The following ADAM12 variants were observed in gnomAD, a reference collection of about 807,000 sequenced individuals.
The protein encoded by ADAM12 is ADAM metallopeptidase domain 12.
ADAM12 carries 70 observed loss-of-function variants against 106.4 expected under a neutral mutation model. That is an observed-to-expected ratio of 0.66 (90% CI 0.54 to 0.80). The LOEUF is 0.80. Among genes scored for constraint, ADAM12 ranks in the 30% least tolerant of loss-of-function variants. The pLI is 0.00. For missense variants in ADAM12, 1,010 were observed against 1,171.9 expected, an observed-to-expected ratio of 0.86 and a Z score of 2.02; for synonymous variants, 420 against 433.5, an observed-to-expected ratio of 0.97 and a Z score of 0.39.
At chr10:126,251,497 G>A (rs1159180655) in intron 3 of ADAM12, among the ~76,000 whole-genome samples, 14 of 54,182 alleles carry the variant, frequency 2.6e-4, no homozygotes, top group Non-Finnish European at 5.4e-4. Context: ...GAATCGATGC[G>A]ATGGATGGGA....
At chr10:126,081,038 C>T (rs532324289) in intron 11 of ADAM12, among the ~76,000 whole-genome samples, 1 of 152,246 alleles carries the variant, frequency 6.6e-6, no homozygotes, top group East Asian at 1.9e-4. Context: ...TCGGAGACAA[C>T]TGCTTTTCTT....
chr10:126,283,567 C>G (rs1172186003), intron 2 of ADAM12, among the ~76,000 whole-genome samples: 2 of 152,242 alleles, frequency 1.3e-5, no homozygotes, highest in East Asian at 3.9e-4. Flanking sequence ...AGACAGAGCA[C>G]CTTTGCTTAT....
rs746730692 is a variant in ADAM12 at position 126,155,227 on chromosome 10, C to T, written c.339G>A (p.Thr113=). 5.0e-6 allele frequency: 8 copies of T among 1,613,692 alleles called. No homozygotes were observed. The highest frequency in any genetic ancestry group is 1.3e-5 in the African/African-American group (1 of 74,990). Residue 113 remains threonine, a splice_region_variant and synonymous_variant, in exon 4 of 23, where the codon ACG becomes ACA. Coordinates refer to ENST00000448723, the MANE Select transcript of ADAM12 (RefSeq NM_001288973.2). ...GGTGATCCCAACGTGCCAGAATTAC[C>T]GTGTAATTTCGAGCGAGGGAGACAT... ...GTDVSLARNY[T]GHCYYHGHVR... is the part of the protein sequence containing the mutation.
chr10:126,079,322 C>T (rs1350616492), intron 11 of ADAM12, among the ~76,000 whole-genome samples: 1 of 152,022 alleles, frequency 6.6e-6, no homozygotes, highest in Non-Finnish European at 1.5e-5. Context: ...GAAGCCATCA[C>T]TCCTCATTCT....
At chr10:126,361,783 C>T (rs1855754634) in intron 1 of ADAM12, among the ~76,000 whole-genome samples, 1 of 151,964 alleles carries the variant, frequency 6.6e-6, no homozygotes, top group African/African-American at 2.4e-5. Context: ...TACAAAAAAG[C>T]CAACTAAAAC....
chr10:126,264,233 C>T (rs750294132), intron 3 of ADAM12, among the ~76,000 whole-genome samples: 1 of 152,178 alleles, frequency 6.6e-6, no homozygotes, highest in African/African-American at 2.4e-5. Flanking sequence ...GGGTGCTGGC[C>T]GGCTGTGGAC....
chr10:126,131,068 A>G (rs1225118499), intron 5 of ADAM12, among the ~76,000 whole-genome samples: 1 of 108,558 alleles, frequency 9.2e-6, no homozygotes, highest in South Asian at 2.9e-4. Flanking sequence ...GAAGAGGCCT[A>G]TTTGTTTCTG....
Position 126,071,616 on chromosome 10 carries a change from T to TTCCTGCTGCAA in ADAM12, c.1173_1183dup (p.Lys395IlefsTer54). On this transcript the variant is annotated frameshift_variant, in exon 12 of 23. Transcript: ENST00000448723. LOFTEE classifies it high-confidence loss of function. Reference sequence around the variant, plus strand: ...TTTCTCCAGGCTGGTCTCCAAGTCCTTCCTGCTGCAACTGCTGAACACCAT... The same window carrying TTCCTGCTGCAA: ...TTTCTCCAGGCTGGTCTCCAAGTCCTTCCTGCTGCAATCCTGCTGCAACTGCTGAACACCAT... 6.2e-7 allele frequency: 1 copy of TTCCTGCTGCAA among 1,614,138 alleles called. No individual in the cohort carries two copies. The highest frequency in any genetic ancestry group is 8.5e-7 in the Non-Finnish European group (1 of 1,180,008).
intron 3 of ADAM12, among the ~76,000 whole-genome samples, chr10:126,189,750 C>T (rs2133800081): frequency 6.6e-6 from 1 of 152,164 alleles, no homozygotes; most frequent in Middle Eastern, 3.4e-3. Flanking sequence ...CTTTAAGCCC[C>T]ACAAGCTGTC....
intron 21 of ADAM12, among the ~76,000 whole-genome samples, chr10:126,027,129 T>C (rs1282850520): frequency 6.6e-6 from 1 of 152,066 alleles, no homozygotes; most frequent in Non-Finnish European, 1.5e-5. Flanking sequence ...TCTATGCACA[T>C]AAACTAGAAA....
At chr10:126,316,790 A>C (rs1363050764) in intron 2 of ADAM12, among the ~76,000 whole-genome samples, 1 of 151,718 alleles carries the variant, frequency 6.6e-6, no homozygotes, top group Non-Finnish European at 1.5e-5. Flanking sequence ...TCTCAAAAAA[A>C]AAAAAAAAAA....
intron 1 of ADAM12, among the ~76,000 whole-genome samples, chr10:126,377,376 A>G (rs1405124660): frequency 6.6e-6 from 1 of 152,208 alleles, no homozygotes; most frequent in East Asian, 1.9e-4. Flanking sequence ...AAAGCTGAAG[A>G]GCCCGGAGTC....
At position 126,279,093 on chromosome 10, in the gene ADAM12, G is replaced by T. The variant is rs992166034; in HGVS notation, c.187-105C>A. ...GTCAAATGAGGGAATAAACGATGCG[G>T]TCAACCTAAGAAAGAGCCAAATGCC... On this transcript the variant is annotated intron_variant, in intron 2 of 22. Coordinates refer to ENST00000448723, the MANE Select transcript of ADAM12 (RefSeq NM_001288973.2). 6.2e-6 allele frequency: 5 copies of T among 808,534 alleles called. No homozygotes were observed. The African/African-American group carries it at 8.6e-5, about 14-fold the overall frequency. 50.1% of individuals were successfully genotyped at this position (808,534 alleles called of 1,614,324 possible). A position where few individuals can be genotyped will look rare whatever the true frequency, so the allele number is the denominator to read the frequency against.
intron 3 of ADAM12, among the ~76,000 whole-genome samples, chr10:126,253,793 A>C (rs1359593086): frequency 6.6e-6 from 1 of 152,082 alleles, no homozygotes; most frequent in Non-Finnish European, 1.5e-5. Flanking sequence ...GCAGGGAATG[A>C]GATGCGGTTC....
chr10:126,061,746 A>C (rs1342743754), intron 14 of ADAM12, among the ~76,000 whole-genome samples: 2 of 152,338 alleles, frequency 1.3e-5, no homozygotes, highest in East Asian at 1.9e-4. Flanking sequence ...GGCCTCTAAA[A>C]GTTGGGAAAG....
intron 1 of ADAM12, among the ~76,000 whole-genome samples, chr10:126,331,537 GT>G (rs1195578060): frequency 1.1e-4 from 16 of 152,246 alleles, no homozygotes; most frequent in African/African-American, 3.9e-4. Context: ...TTATATTCAG[GT>G]TACCAAAGGA....
intron 3 of ADAM12, among the ~76,000 whole-genome samples, chr10:126,187,941 C>T (rs543973709): frequency 2.0e-5 from 3 of 152,266 alleles, no homozygotes; most frequent in Non-Finnish European, 4.4e-5. Context: ...AGATGAGCAT[C>T]CAAGAAAGAA....
chr10:126,157,301 C>T (rs918000649), intron 3 of ADAM12, among the ~76,000 whole-genome samples: 6 of 152,212 alleles, frequency 3.9e-5, no homozygotes, highest in East Asian at 1.9e-4. Flanking sequence ...GGGCCTGCTC[C>T]GCCTCTCCTC....
chr10:126,057,764 T>C (rs1278262), intron 14 of ADAM12, among the ~76,000 whole-genome samples: 81,973 of 152,072 alleles, frequency 0.54, 22,432 homozygotes, highest in Admixed American at 0.62. Context: ...GAGGTTGCTC[T>C]GGGAGCTTGG....
Sources: allele counts gnomAD v4.1 joint callset (sites outside exome capture counted in the v4.1 genomes callset), GRCh38; gene constraint gnomAD v4.1.1; transcripts MANE v1.5; gene names NCBI Gene and HGNC (gene_info 2026-07-23, HGNC 2026-07-21).